The following FMNL2 variants were observed in gnomAD, a reference collection of about 807,000 sequenced individuals.
FMNL2 encodes formin like 2, also known as formin-like protein 2.
In FMNL2, 51 loss-of-function variants were observed where a neutral mutation model predicts 130.2. The ratio of observed to expected loss-of-function variants is 0.39; its 90% CI spans 0.31 to 0.49. The LOEUF (loss-of-function observed/expected upper bound fraction) is 0.49, where lower values mean the gene tolerates loss of function less well. FMNL2 is among the 20% of genes least tolerant of loss of function. FMNL2 has a pLI of 0.85. For synonymous variants in FMNL2, 465 were observed against 467.1 expected (o/e 1.00, Z 0.06); for missense variants, 977 against 1,316.2 (o/e 0.74, Z 3.99).
chr2:152,617,237 T>G (rs765538907), intron 13 of FMNL2, 45 bp downstream of exon 13: 2 of 1,557,240 alleles, frequency 1.3e-6, no homozygotes, highest in African/African-American at 1.4e-5. Context: ...CGGTAGGGAA[T>G]GTACTCCAGC....
At chr2:152,367,263 A>T (rs557607861) in intron 1 of FMNL2, among the ~76,000 whole-genome samples, 52 of 152,104 alleles carry the variant, frequency 3.4e-4, no homozygotes, top group African/African-American at 1.2e-3. Flanking sequence ...TGTGGTAAAG[A>T]TGGGGTTTCA....
intron 1 of FMNL2, among the ~76,000 whole-genome samples, chr2:152,336,902 A>G (rs1681499461): frequency 6.6e-6 from 1 of 152,188 alleles, no homozygotes; most frequent in Admixed American, 6.5e-5. Context: ...TTTTGTTTTC[A>G]TGAAAACTTA....
chr2:152,412,348 G>T (rs994282745), intron 1 of FMNL2, among the ~76,000 whole-genome samples: 1 of 150,596 alleles, frequency 6.6e-6, no homozygotes, highest in East Asian at 2.0e-4. Flanking sequence ...TGCAGTTTAT[G>T]TATGAATTTT....
intron 1 of FMNL2, among the ~76,000 whole-genome samples, chr2:152,438,780 G>A (rs1038927336): frequency 2.6e-5 from 4 of 152,094 alleles, no homozygotes; most frequent in East Asian, 1.9e-4. Context: ...CAGTCATAGC[G>A]TCAGGGGGCT....
At chr2:152,432,642 C>G (rs1229417207) in intron 1 of FMNL2, among the ~76,000 whole-genome samples, 1 of 152,240 alleles carries the variant, frequency 6.6e-6, no homozygotes, top group Admixed American at 6.5e-5. Flanking sequence ...CCTGCCATTG[C>G]AAGTAGACCT....
In FMNL2 at chr2:152,531,600, C is replaced by T. The variant is rs896424998; in HGVS notation, c.201+9574C>T. The stretch of plus-strand genomic sequence containing the variant: ...AGTGATTCTCCTGCCTCCTGCCTCC[C>T]GAGTAGCTGGGACTACAGCCGCCTG... On this transcript the variant is annotated intron_variant, in intron 2 of 25. Coordinates refer to ENST00000288670, the MANE Select transcript of FMNL2 (RefSeq NM_052905.4). Among the ~76,000 whole-genome samples the T allele has an allele frequency of 3.3e-5, 5 of 151,888 alleles. No individual in the cohort carries two copies. The South Asian group carries it at 6.2e-4, about 19-fold the overall frequency.
chr2:152,377,495 T>C (rs1684237901), intron 1 of FMNL2, among the ~76,000 whole-genome samples: 1 of 152,248 alleles, frequency 6.6e-6, no homozygotes, highest in Non-Finnish European at 1.5e-5. Context: ...TATGTAGCTA[T>C]TGAAACGTAA....
intron 23 of FMNL2, among the ~76,000 whole-genome samples, chr2:152,639,030 C>G (rs1682862737): frequency 7.9e-6 from 1 of 126,850 alleles, no homozygotes; most frequent in Admixed American, 8.6e-5. Flanking sequence ...CATCAGCGTG[C>G]TCCTTCCACC....
At chr2:152,624,025 C>A (rs1681559935) in intron 15 of FMNL2, among the ~76,000 whole-genome samples, 1 of 133,578 alleles carries the variant, frequency 7.5e-6, no homozygotes, top group Non-Finnish European at 1.6e-5. Context: ...GTCTGAGAAT[C>A]CATACAATTC....
intron 1 of FMNL2, among the ~76,000 whole-genome samples, chr2:152,335,977 TG>T (rs1340305272): frequency 6.6e-6 from 1 of 151,632 alleles, no homozygotes; most frequent in Non-Finnish European, 1.5e-5. Context: ...ACCCATTGTC[TG>T]GCTGGAGAGG....
At chr2:152,608,971 C>T (rs1473651052) in intron 10 of FMNL2, among the ~76,000 whole-genome samples, 1 of 105,354 alleles carries the variant, frequency 9.5e-6, no homozygotes, top group Non-Finnish European at 2.1e-5. Context: ...TGGAGCCAAG[C>T]AGCCCCTATT....
At chr2:152,637,806 GC>G (rs1682752384) in intron 23 of FMNL2, 132 bp downstream of exon 23, 1 of 719,780 alleles carries the variant, frequency 1.4e-6, no homozygotes. Flanking sequence ...TCACGAGATA[GC>G]AGTCCCTAGC....
At chr2:152,533,946 C>T (rs1206751644) in intron 2 of FMNL2, among the ~76,000 whole-genome samples, 1 of 152,086 alleles carries the variant, frequency 6.6e-6, no homozygotes, top group Non-Finnish European at 1.5e-5. Context: ...CCCACCACTT[C>T]ATTTATGCCT....
intron 1 of FMNL2, among the ~76,000 whole-genome samples, chr2:152,460,903 A>G (rs1322379934): frequency 6.6e-6 from 1 of 152,182 alleles, no homozygotes; most frequent in Non-Finnish European, 1.5e-5. Flanking sequence ...TTATTTCGTT[A>G]TATATTACAA....
At chr2:152,605,194 GATCC>G (rs2105836676) in intron 9 of FMNL2, among the ~76,000 whole-genome samples, 1 of 152,222 alleles carries the variant, frequency 6.6e-6, no homozygotes, top group African/African-American at 2.4e-5. Context: ...GCATCAAAAT[GATCC>G]ATAGTGCTTT....
At chr2:152,627,039 C>T (rs956971349) in intron 17 of FMNL2, among the ~76,000 whole-genome samples, 3 of 152,192 alleles carry the variant, frequency 2.0e-5, no homozygotes, top group East Asian at 3.8e-4. Context: ...CTCTCTTATG[C>T]GGGCCTCCAG....
intron 1 of FMNL2, among the ~76,000 whole-genome samples, chr2:152,435,703 A>G (rs998537601): frequency 6.6e-6 from 1 of 152,188 alleles, no homozygotes; most frequent in African/African-American, 2.4e-5. Context: ...ATTTTGTTCA[A>G]GGTGGGATTG....
chr2:152,477,079 A>G (rs1416207706), intron 1 of FMNL2, among the ~76,000 whole-genome samples: 2 of 152,224 alleles, frequency 1.3e-5, no homozygotes, highest in Non-Finnish European at 2.9e-5. Context: ...AACAAAAAGT[A>G]TGGGAATCTT....
intron 1 of FMNL2, among the ~76,000 whole-genome samples, chr2:152,408,678 G>A (rs1357272798): frequency 6.6e-6 from 1 of 152,032 alleles, no homozygotes; most frequent in Non-Finnish European, 1.5e-5. Context: ...AAACATCCTA[G>A]CCTAGACTAC....
Sources: allele counts gnomAD v4.1 joint callset (sites outside exome capture counted in the v4.1 genomes callset), GRCh38; gene constraint gnomAD v4.1.1; transcripts MANE v1.5; gene names NCBI Gene and HGNC (gene_info 2026-07-23, HGNC 2026-07-21).